The following CAMK4 variants were observed in gnomAD, a reference collection of about 807,000 sequenced individuals.
The protein encoded by CAMK4 is calcium/calmodulin-dependent protein kinase type IV.
Under a neutral mutation model 44.9 loss-of-function variants are expected in CAMK4, and 22 were observed. The observed-to-expected ratio is 0.49, with a 90% CI of 0.35 to 0.70. The LOEUF is 0.70. Among genes scored for constraint, CAMK4 ranks in the 30% least tolerant of loss-of-function variants. The pLI, the probability that CAMK4 is intolerant of heterozygous loss-of-function variation, is 0.01. For synonymous variants in CAMK4, 218 were observed against 215.4 expected (o/e 1.01, Z -0.11); for missense variants, 498 against 586.8 (o/e 0.85, Z 1.56).
intron 1 of CAMK4, among the ~76,000 whole-genome samples, chr5:111,270,417 C>T (rs1750458371): frequency 2.0e-5 from 3 of 152,166 alleles, no homozygotes. Flanking sequence ...ATGCCCCTGG[C>T]CTCTGGAACC....
chr5:111,380,416 G>A (rs1449279663), intron 4 of CAMK4, among the ~76,000 whole-genome samples: 3 of 151,890 alleles, frequency 2.0e-5, no homozygotes, highest in Non-Finnish European at 4.4e-5. Context: ...GTAAATGTGT[G>A]TCATGGCGAT....
Position 111,485,261 on chromosome 5 carries a change from G to A in CAMK4, c.*795G>A, listed in dbSNP as rs528969228. 3.9e-5 allele frequency: 6 copies of A among 152,270 alleles called. No homozygotes were observed. The highest frequency in any genetic ancestry group is 7.2e-5 in the African/African-American group (3 of 41,554). The allele number at this position is 152,270 out of a possible 1,614,324, so 9.4% of individuals were successfully genotyped here. A position where few individuals can be genotyped will look rare whatever the true frequency, so the allele number is the denominator to read the frequency against. On this transcript the variant is annotated 3_prime_UTR_variant, in exon 11 of 11. Transcript: ENST00000282356. ...TGTAATAAACAGGGAAGAAAAGAAG[G>A]TAAGACTGTACTTAAACTGATGAAG...
At chr5:111,333,831 T>C (rs1438848665) in intron 1 of CAMK4, among the ~76,000 whole-genome samples, 1 of 151,562 alleles carries the variant, frequency 6.6e-6, no homozygotes, top group Non-Finnish European at 1.5e-5. Context: ...GTTGCCAATA[T>C]AAGGTCTTGA....
chr5:111,245,966 T>G (rs922797308), intron 1 of CAMK4, among the ~76,000 whole-genome samples: 1 of 152,252 alleles, frequency 6.6e-6, no homozygotes, highest in South Asian at 2.1e-4. Flanking sequence ...GCATTGATGT[T>G]AACATTATTT....
chr5:111,262,060 T>G (rs147527165), intron 1 of CAMK4, among the ~76,000 whole-genome samples: 1 of 151,778 alleles, frequency 6.6e-6, no homozygotes, highest in East Asian at 1.9e-4. Flanking sequence ...GCACCTTACA[T>G]GGGTTTCTGA....
At chr5:111,340,419 T>A (rs1749591613) in intron 1 of CAMK4, among the ~76,000 whole-genome samples, 1 of 151,432 alleles carries the variant, frequency 6.6e-6, no homozygotes, top group African/African-American at 2.4e-5. Context: ...TGAGAGTTTT[T>A]GTCATGAATA....
intron 7 of CAMK4, among the ~76,000 whole-genome samples, chr5:111,470,774 C>T (rs1455079790): frequency 6.6e-6 from 1 of 152,176 alleles, no homozygotes; most frequent in Non-Finnish European, 1.5e-5. Flanking sequence ...TCAAATTGTC[C>T]TTGTTTGATA....
chr5:111,275,227 A>G (rs1750707143), intron 1 of CAMK4, among the ~76,000 whole-genome samples: 1 of 152,042 alleles, frequency 6.6e-6, no homozygotes, highest in Admixed American at 6.5e-5. Context: ...TGCAGCTTCC[A>G]TTTATTGAGT....
Position 111,488,493 on chromosome 5 carries a change from A to G in CAMK4, c.*4027A>G, listed in dbSNP as rs1755708757. On this transcript the variant is annotated 3_prime_UTR_variant, in exon 11 of 11. Coordinates refer to ENST00000282356, the MANE Select transcript of CAMK4 (RefSeq NM_001744.6). ...TTCAATTTCATAGTATTTTAAACATATTTTGTAATTCAGAATGTTTAGCAA... is the reference window on the plus strand; with the variant it reads ...TTCAATTTCATAGTATTTTAAACATGTTTTGTAATTCAGAATGTTTAGCAA... 6.6e-6 allele frequency: 1 copy of G among 152,198 alleles called. No homozygotes were observed. Among genetic ancestry groups the G allele is most frequent in the Non-Finnish European group, 1.5e-5 (1 of 68,022 alleles). 9.4% of individuals were successfully genotyped at this position (152,198 alleles called of 1,614,324 possible). A position where few individuals can be genotyped will look rare whatever the true frequency, so the allele number is the denominator to read the frequency against.
intron 4 of CAMK4, among the ~76,000 whole-genome samples, chr5:111,382,387 G>T (rs1185967001): frequency 6.6e-6 from 1 of 152,120 alleles, no homozygotes; most frequent in Admixed American, 6.5e-5. Flanking sequence ...AGTCTTTCTG[G>T]AGTTGTAGTA....
At chr5:111,391,286 A>G (rs1751788048) in intron 4 of CAMK4, among the ~76,000 whole-genome samples, 1 of 152,148 alleles carries the variant, frequency 6.6e-6, no homozygotes, top group African/African-American at 2.4e-5. Context: ...CTTCATGAAC[A>G]TAACCAGAAA....
Position 111,486,870 on chromosome 5 carries a change from A to G in CAMK4, c.*2404A>G, listed in dbSNP as rs762014804. On this transcript the variant is annotated 3_prime_UTR_variant, in exon 11 of 11. Coordinates refer to ENST00000282356, the MANE Select transcript of CAMK4 (RefSeq NM_001744.6). ...ATAAACTACATTTTTAAAAAAATCAATGGGAGTTTTAAATTTTGACTCATG... is the reference window on the plus strand; with the variant it reads ...ATAAACTACATTTTTAAAAAAATCAGTGGGAGTTTTAAATTTTGACTCATG... 9.2e-5 allele frequency: 14 copies of G among 152,202 alleles called. No homozygotes were observed. The highest frequency in any genetic ancestry group is 1.8e-4 in the Non-Finnish European group (12 of 68,024). The allele number at this position is 152,202 out of a possible 1,614,324, so 9.4% of individuals were successfully genotyped here. A position where few individuals can be genotyped will look rare whatever the true frequency, so the allele number is the denominator to read the frequency against.
intron 1 of CAMK4, among the ~76,000 whole-genome samples, chr5:111,225,109 G>T (rs1469313715): frequency 6.6e-6 from 1 of 152,204 alleles, no homozygotes; most frequent in African/African-American, 2.4e-5. Flanking sequence ...AGTGACACGA[G>T]AAATTAAACT....
Position 111,459,972 on chromosome 5 carries a change from C to A in CAMK4, c.625+10769C>A, listed in dbSNP as rs548914857. 1.6e-4 allele frequency among the ~76,000 whole-genome samples: 24 copies of A among 152,116 alleles called. 1 individual carries two copies. The Middle Eastern group carries it at 0.014, about 86-fold the overall frequency. ...ACAGAACCAACTGTGCCAGAGAATT[C>A]ACAGTTCTGTGAGGATTCAACTCTA... On this transcript the variant is annotated intron_variant, in intron 7 of 10. Transcript: ENST00000282356.
At chr5:111,315,941 A>G (rs931683518) in intron 1 of CAMK4, among the ~76,000 whole-genome samples, 1 of 152,090 alleles carries the variant, frequency 6.6e-6, no homozygotes, top group Non-Finnish European at 1.5e-5. Flanking sequence ...GGCACAAAAG[A>G]GTTTATCATT....
chr5:111,328,961 T>A (rs1401799790), intron 1 of CAMK4, among the ~76,000 whole-genome samples: 1 of 151,768 alleles, frequency 6.6e-6, no homozygotes, highest in Non-Finnish European at 1.5e-5. Flanking sequence ...TTGATGAACA[T>A]CGATGCAAAA....
intron 5 of CAMK4, among the ~76,000 whole-genome samples, chr5:111,395,514 A>C (rs1382770354): frequency 6.6e-6 from 1 of 151,818 alleles, no homozygotes; most frequent in African/African-American, 2.4e-5. Flanking sequence ...ACCTTGGAGC[A>C]TAGAGATTAT....
At chr5:111,466,181 GC>G (rs1324929411) in intron 7 of CAMK4, among the ~76,000 whole-genome samples, 1 of 152,136 alleles carries the variant, frequency 6.6e-6, no homozygotes, top group African/African-American at 2.4e-5. Flanking sequence ...AGCAAAATCA[GC>G]ATAGAAGGGT....
intron 4 of CAMK4, among the ~76,000 whole-genome samples, chr5:111,392,223 G>A (rs1344243294): frequency 1.3e-5 from 2 of 152,128 alleles, no homozygotes; most frequent in Non-Finnish European, 2.9e-5. Flanking sequence ...TGGCTGCAGA[G>A]GTCTCAAGAA....
Sources: allele counts gnomAD v4.1 joint callset (sites outside exome capture counted in the v4.1 genomes callset), GRCh38; gene constraint gnomAD v4.1.1; transcripts MANE v1.5; gene names NCBI Gene and HGNC (gene_info 2026-07-23, HGNC 2026-07-21).